Variants in PRELID2 observed in about 807,000 individuals in gnomAD.
The protein encoded by PRELID2 is PRELI domain containing 2.
PRELID2 carries 25 observed loss-of-function variants against 28.4 expected under a neutral mutation model. The ratio of observed to expected loss-of-function variants is 0.88; its 90% CI spans 0.64 to 1.23. The LOEUF is 1.23. Among genes scored for constraint, PRELID2 ranks in the 50% most tolerant of loss-of-function variants. PRELID2 has a pLI of 0.00. For missense variants in PRELID2, 201 were observed against 214.4 expected (o/e 0.94, Z 0.39); for synonymous variants, 76 against 71.6 (o/e 1.06, Z -0.31).
chr5:145,366,216 T>G, the PRELID2 span, among the ~76,000 whole-genome samples: 1 of 151,816 alleles, frequency 6.6e-6, no homozygotes, highest in Non-Finnish European at 1.5e-5. Flanking sequence ...TTCTCTCAGT[T>G]TATTCTTGTT....
intron 1 of PRELID2, among the ~76,000 whole-genome samples, chr5:145,567,862 G>C (rs1026815338): frequency 3.3e-5 from 5 of 152,162 alleles, no homozygotes; most frequent in Non-Finnish European, 7.3e-5. Context: ...GTAATCTCAG[G>C]TATTTCTTCA....
chr5:145,638,355 T>G (rs1362809618), intron 1 of PRELID2, among the ~76,000 whole-genome samples: 1 of 152,214 alleles, frequency 6.6e-6, no homozygotes. Context: ...TACTCAAAGC[T>G]GCTTTTATCC....
chr5:145,469,091 G>A (rs187091847), downstream of PRELID2, among the ~76,000 whole-genome samples: 4 of 152,218 alleles, frequency 2.6e-5, no homozygotes, highest in Admixed American at 2.6e-4. Flanking sequence ...AGTAAGGTGT[G>A]GCAGCAATTG....
At chr5:145,233,740 C>G in the PRELID2 span, among the ~76,000 whole-genome samples, 1 of 152,116 alleles carries the variant, frequency 6.6e-6, no homozygotes, top group Non-Finnish European at 1.5e-5. Context: ...CAAAGGGCAC[C>G]TAGTATCACC....
chr5:145,829,109 C>G (rs1448230770), intron 1 of PRELID2, among the ~76,000 whole-genome samples: 1 of 151,796 alleles, frequency 6.6e-6, no homozygotes, highest in Admixed American at 6.6e-5. Context: ...CCCTGTTGCC[C>G]AGGCTGGTCT....
At chr5:145,826,033 G>A in intron 1 of PRELID2, 1 of 985,308 alleles carries the variant, frequency 1.0e-6, no homozygotes. Context: ...AGGTTTTTCT[G>A]GACACCTTTT....
chr5:145,489,293 A>T (rs1252364625), intron 1 of PRELID2, among the ~76,000 whole-genome samples: 1 of 152,216 alleles, frequency 6.6e-6, no homozygotes, highest in African/African-American at 2.4e-5. Flanking sequence ...TAGCTATTTG[A>T]TTCAGCTTTC....
intron 1 of PRELID2, among the ~76,000 whole-genome samples, chr5:145,604,881 C>CTATATA (rs1347559677): frequency 3.5e-5 from 3 of 85,692 alleles, no homozygotes; most frequent in African/African-American, 1.7e-4. Context: ...TGCTTGTTGG[C>CTATATA]CATATATATA....
At chr5:145,423,524 G>C in the PRELID2 span, among the ~76,000 whole-genome samples, 1 of 150,216 alleles carries the variant, frequency 6.7e-6, no homozygotes, top group Non-Finnish European at 1.5e-5. Context: ...CCAGTTGATC[G>C]CATCGGCTCC....
the PRELID2 span, among the ~76,000 whole-genome samples, chr5:145,276,255 T>C: frequency 6.6e-6 from 1 of 152,192 alleles, no homozygotes; most frequent in African/African-American, 2.4e-5. Flanking sequence ...TGGTTCTAAG[T>C]ACCGCTGTGG....
intron 1 of PRELID2, among the ~76,000 whole-genome samples, chr5:145,620,771 G>A (rs1753762981): frequency 1.3e-5 from 2 of 151,746 alleles, no homozygotes; most frequent in African/African-American, 2.4e-5. Context: ...CCCAGAAGTC[G>A]AGGCTACAGT....
At position 145,621,294 on chromosome 5, in the gene PRELID2, G is replaced by T. The variant is rs958260245; in HGVS notation, n.70+143637C>A. 3.3e-5 allele frequency among the ~76,000 whole-genome samples: 5 copies of T among 151,702 alleles called. No homozygotes were observed. In the South Asian group the frequency reaches 1.0e-3, roughly 31 times the overall value. On this transcript the variant is annotated intron_variant and non_coding_transcript_variant, in intron 1 of 2. Coordinates refer to the PRELID2 transcript ENST00000510259. Reference sequence around the variant, plus strand: ...AACAACAACAGCAAATCCTAGCAAAGATATTGAGAAATTAGAGCACTCATA... The same window carrying T: ...AACAACAACAGCAAATCCTAGCAAATATATTGAGAAATTAGAGCACTCATA...
chr5:145,601,020 G>C (rs973684049), intron 1 of PRELID2, among the ~76,000 whole-genome samples: 4 of 152,074 alleles, frequency 2.6e-5, no homozygotes, highest in African/African-American at 9.7e-5. Flanking sequence ...ATCTGGCATA[G>C]TGAAGCATGC....
At chr5:145,792,570 C>T (rs539670807) in intron 5 of PRELID2, among the ~76,000 whole-genome samples, 7 of 152,196 alleles carry the variant, frequency 4.6e-5, no homozygotes, top group Non-Finnish European at 8.8e-5. Flanking sequence ...ACTTAAGGCA[C>T]AGTCTCTATC....
chr5:145,421,256 T>A, the PRELID2 span, among the ~76,000 whole-genome samples: 1 of 147,666 alleles, frequency 6.8e-6, no homozygotes, highest in African/African-American at 2.5e-5. Context: ...ATAAAATGAG[T>A]TAGGGAGGAT....
At chr5:145,300,456 CTGA>C in the PRELID2 span, among the ~76,000 whole-genome samples, 2 of 151,986 alleles carry the variant, frequency 1.3e-5, no homozygotes, top group African/African-American at 4.8e-5. Context: ...TTAATTTATA[CTGA>C]TAACTACAAA....
the PRELID2 span, among the ~76,000 whole-genome samples, chr5:145,452,278 A>G: frequency 6.6e-6 from 1 of 152,138 alleles, no homozygotes; most frequent in Non-Finnish European, 1.5e-5. Flanking sequence ...GCATAGTTTT[A>G]TAAGGTTTTT....
At chr5:145,749,725 C>G (rs1757080310) in intron 1 of PRELID2, among the ~76,000 whole-genome samples, 1 of 152,028 alleles carries the variant, frequency 6.6e-6, no homozygotes, top group Non-Finnish European at 1.5e-5. Context: ...AAATGCCTAT[C>G]AATGATAGAC....
At chr5:145,685,218 ACTTATGTGG>A (rs1342354928) in intron 1 of PRELID2, among the ~76,000 whole-genome samples, 6 of 152,056 alleles carry the variant, frequency 3.9e-5, no homozygotes, top group Non-Finnish European at 8.8e-5. Flanking sequence ...CCACTTCCCC[ACTTATGTGG>A]CTTCAGTAGC....
Sources: allele counts gnomAD v4.1 joint callset (sites outside exome capture counted in the v4.1 genomes callset), GRCh38; gene constraint gnomAD v4.1.1; transcripts MANE v1.5; gene names NCBI Gene and HGNC (gene_info 2026-07-23, HGNC 2026-07-21).